APP: variants seen among roughly 807,000 people sequenced by gnomAD.
The protein encoded by APP is amyloid beta precursor protein.
Under a neutral mutation model 101.4 loss-of-function variants are expected in APP, and 31 were observed. The ratio of observed to expected loss-of-function variants is 0.31; its 90% CI spans 0.23 to 0.41. The LOEUF is 0.41. APP is among the 10% of genes least tolerant of loss of function. The pLI, the probability that APP is intolerant of heterozygous loss-of-function variation, is 1.00. For synonymous variants in APP, 366 were observed against 364.4 expected (o/e 1.00, Z -0.05); for missense variants, 839 against 1,003.7 (o/e 0.84, Z 2.22).
intron 16 of APP, among the ~76,000 whole-genome samples, chr21:25,892,167 C>G (rs1601297763): frequency 6.6e-6 from 1 of 151,626 alleles, no homozygotes; most frequent in African/African-American, 2.4e-5. Context: ...CCCCACAGGT[C>G]AAAACCGAAG....
intron 8 of APP, among the ~76,000 whole-genome samples, chr21:25,982,773 G>A (rs779329665): frequency 3.3e-5 from 5 of 152,172 alleles, no homozygotes; most frequent in Non-Finnish European, 7.4e-5. Context: ...AGCAAAAACA[G>A]TTGGTGCTGA....
intron 13 of APP, chr21:25,943,108 T>G (rs1214138758): frequency 6.6e-6 from 1 of 152,220 alleles, no homozygotes; most frequent in Non-Finnish European, 1.5e-5. Context: ...TTAATCTCTT[T>G]AATCATTCTA....
intron 1 of APP, among the ~76,000 whole-genome samples, chr21:26,134,447 T>C (rs2062854636): frequency 6.6e-6 from 1 of 152,200 alleles, no homozygotes; most frequent in Non-Finnish European, 1.5e-5. Flanking sequence ...AGAGAAATAC[T>C]TGCTTACATT....
intron 5 of APP, 48 bp downstream of exon 5, chr21:26,050,952 T>C (rs368580748): frequency 2.5e-6 from 4 of 1,594,186 alleles, no homozygotes; most frequent in African/African-American, 2.7e-5. Flanking sequence ...AAATACTCCA[T>C]ACAAGATGTT....
chr21:26,111,323 C>A (rs1207827202), intron 2 of APP, among the ~76,000 whole-genome samples: 1 of 151,990 alleles, frequency 6.6e-6, no homozygotes, highest in Non-Finnish European at 1.5e-5. Context: ...TAATAGAATA[C>A]AAACAGATAC....
At chr21:25,974,234 C>T (rs973277314) in intron 11 of APP, among the ~76,000 whole-genome samples, 4 of 152,078 alleles carry the variant, frequency 2.6e-5, no homozygotes, top group Non-Finnish European at 4.4e-5. Context: ...ACAACTCAGC[C>T]AAATCTCAAC....
intron 13 of APP, among the ~76,000 whole-genome samples, chr21:25,917,245 A>C: frequency 6.9e-6 from 1 of 145,096 alleles, no homozygotes; most frequent in Non-Finnish European, 1.5e-5. Context: ...TAGGCAACCG[A>C]GTAAGACTCT....
At chr21:26,027,025 T>C (rs1289681815) in intron 5 of APP, among the ~76,000 whole-genome samples, 2 of 152,242 alleles carry the variant, frequency 1.3e-5, no homozygotes, top group Non-Finnish European at 2.9e-5. Context: ...ATAAAGTCTA[T>C]ATTTATTCTT....
At chr21:26,162,330 A>C (rs1198763073) in intron 1 of APP, among the ~76,000 whole-genome samples, 1 of 152,250 alleles carries the variant, frequency 6.6e-6, no homozygotes, top group Non-Finnish European at 1.5e-5. Context: ...GAAAACAAAC[A>C]AAACCAAACA....
intron 13 of APP, among the ~76,000 whole-genome samples, chr21:25,920,048 C>G (rs1261336246): frequency 1.8e-5 from 2 of 111,788 alleles, no homozygotes; most frequent in African/African-American, 7.3e-5. Flanking sequence ...ACCCTACAAG[C>G]CAGAAGAGAG....
In APP at chr21:25,911,879, C is replaced by G; in HGVS notation, c.1771G>C (p.Asp591His). 6.2e-7 allele frequency: 1 copy of G among 1,614,154 alleles called. No individual in the cohort carries two copies. Among genetic ancestry groups the G allele is most frequent in the South Asian group, 1.1e-5 (1 of 91,076 alleles). ...ISEPRISYGN[D>H]ALMPSLTETK... is the part of the protein sequence containing the mutation. ...TCGGTCAAAGATGGCATGAGAGCAT[C>G]GTTTCCGTAACTGATCCTTGGTTCA... Residue 591 changes from aspartate to histidine, a missense_variant, in exon 14 of 18, where the codon GAT (aspartate) becomes CAT (histidine). Coordinates refer to ENST00000346798, the MANE Select transcript of APP (RefSeq NM_000484.4).
intron 16 of APP, among the ~76,000 whole-genome samples, chr21:25,896,063 T>C (rs2038023771): frequency 6.6e-6 from 1 of 152,180 alleles, no homozygotes; most frequent in Non-Finnish European, 1.5e-5. Context: ...TGTACATTAA[T>C]CGTCAGCTTT....
intron 16 of APP, among the ~76,000 whole-genome samples, chr21:25,893,545 T>C (rs971619660): frequency 6.6e-6 from 1 of 152,200 alleles, no homozygotes; most frequent in Non-Finnish European, 1.5e-5. Flanking sequence ...AGAAAACTTT[T>C]AGTTGTCTGG....
chr21:25,982,497 G>A lies in APP; in HGVS notation c.1091-20C>T. On this transcript the variant is annotated intron_variant, in intron 8 of 17. Coordinates refer to ENST00000346798, the MANE Select transcript of APP (RefSeq NM_000484.4). ...TAGGAACTATAAAGTAGAAGAGAAG[G>A]AGGTTTGAGAAAAAAAAGCCAACAA... 1.2e-6 allele frequency: 2 copies of A among 1,612,046 alleles called. No individual in the cohort carries two copies. The highest frequency in any genetic ancestry group is 1.7e-6 in the Non-Finnish European group (2 of 1,179,088).
chr21:25,992,004 G>T (rs2042885130), intron 8 of APP, among the ~76,000 whole-genome samples: 1 of 152,214 alleles, frequency 6.6e-6, no homozygotes, highest in Non-Finnish European at 1.5e-5. Context: ...GCACTGACAT[G>T]ACATCATGGT....
intron 6 of APP, among the ~76,000 whole-genome samples, chr21:26,005,612 GTT>G (rs1057142891): frequency 5.9e-5 from 9 of 152,166 alleles, no homozygotes; most frequent in Non-Finnish European, 1.2e-4. Flanking sequence ...AAGTAGAAGA[GTT>G]TTAGAGCACT....
At chr21:26,167,555 A>T (rs894399209) in intron 1 of APP, among the ~76,000 whole-genome samples, 30 of 152,228 alleles carry the variant, frequency 2.0e-4, no homozygotes, top group African/African-American at 7.2e-4. Flanking sequence ...CATTCATACA[A>T]ATATCTGTAG....
chr21:26,113,212 A>G (rs974772314), intron 1 of APP, among the ~76,000 whole-genome samples: 5 of 152,188 alleles, frequency 3.3e-5, no homozygotes, highest in African/African-American at 1.2e-4. Context: ...GCCAAGAAGA[A>G]TTAACTTCCA....
chr21:26,133,434 AGACTATG>A (rs1375234171), intron 1 of APP, among the ~76,000 whole-genome samples: 1 of 152,242 alleles, frequency 6.6e-6, no homozygotes, highest in Admixed American at 6.5e-5. Flanking sequence ...ACAAATCATT[AGACTATG>A]GATTCAGTCT....
Sources: gnomAD v4.1 joint callset for allele counts (sites outside exome capture counted in the v4.1 genomes callset) on GRCh38, gnomAD v4.1.1 for gene constraint, MANE v1.5 for transcripts, NCBI Gene and HGNC (gene_info 2026-07-23, HGNC 2026-07-21) for gene names.